ZNF518B: variants seen among roughly 807,000 people sequenced by gnomAD.
ZNF518B encodes the protein zinc finger protein 518B.
Under a neutral mutation model 56.3 loss-of-function variants are expected in ZNF518B, and 23 were observed. The observed-to-expected ratio is 0.41, with a 90% CI of 0.29 to 0.58. The LOEUF is 0.58. ZNF518B is among the 20% of genes least tolerant of loss of function. The pLI is 0.32. For missense variants in ZNF518B, 1,460 were observed against 1,272.1 expected, an observed-to-expected ratio of 1.15 and a Z score of -2.25; for synonymous variants, 529 against 465.9, an observed-to-expected ratio of 1.14 and a Z score of -1.74.
In ZNF518B at chr4:10,445,647, G is replaced by C; in HGVS notation, c.682C>G (p.Leu228Val). 1 of 1,614,114 alleles carries C rather than the reference G, an allele frequency of 6.2e-7. No homozygotes were observed. The highest frequency in any genetic ancestry group is 8.5e-7 in the Non-Finnish European group (1 of 1,180,022). The stretch of plus-strand genomic sequence containing the variant: ...GAAGTTCCGGTTCTTTTTGGCTCCA[G>C]CTTGGCAACAGCTTTGACTGGCCGT... ...AKRPVKAVAK[L>V]EPKRTGTSKQ... The change falls in exon 3 of 3, where the codon CTG becomes GTG. Residue 228 changes from leucine to valine, a missense_variant. Coordinates refer to ENST00000326756, the MANE Select transcript of ZNF518B (RefSeq NM_053042.3).
At chr4:10,450,104 G>A (rs898045416) in intron 2 of ZNF518B, among the ~76,000 whole-genome samples, 2 of 152,210 alleles carry the variant, frequency 1.3e-5, no homozygotes, top group Non-Finnish European at 2.9e-5. Context: ...CAGCCAGAAC[G>A]CATGAGGAAG....
At chr4:10,448,476 T>C (rs1203772561) in intron 2 of ZNF518B, among the ~76,000 whole-genome samples, 2 of 152,220 alleles carry the variant, frequency 1.3e-5, no homozygotes, top group Non-Finnish European at 2.9e-5. Context: ...ACATCATATC[T>C]GATGACAAGC....
At chr4:10,460,326 AAAAAAAAAAAAAC>A (rs1715708156), upstream of ZNF518B, among the ~76,000 whole-genome samples, 1 of 19,558 alleles carries the variant, frequency 5.1e-5, no homozygotes, top group Admixed American at 5.0e-4. Flanking sequence ...AAAAAAAACC[AAAAAAAAAAAAAC>A]CGACCATGTA....
upstream of ZNF518B, among the ~76,000 whole-genome samples, chr4:10,458,697 A>G (rs1459506210): frequency 6.6e-6 from 1 of 152,208 alleles, no homozygotes; most frequent in African/African-American, 2.4e-5. Context: ...TCAGAAAAAC[A>G]CATTTATGTG....
Position 10,444,143 on chromosome 4 carries a change from T to A in ZNF518B, c.2186A>T (p.Asn729Ile). Residue 729 changes from asparagine (N) to isoleucine (I), a missense_variant, in exon 3 of 3, where the codon AAT becomes ATT. Transcript: ENST00000326756. ...TCTATTACCAGTAATACCACCATCA[T>A]TCGGAGGTTTCTGAAGAGTACCTGT... is the stretch of plus-strand genomic sequence containing the variant. The part of the protein sequence containing the change: ...HSTGTLQKPP[N>I]DGGITGNRQL... 1 of 1,614,206 alleles carries A rather than the reference T, an allele frequency of 6.2e-7. No individual in the cohort carries two copies. The highest frequency in any genetic ancestry group is 1.1e-5 in the South Asian group (1 of 91,080).
rs764575144 is a variant in ZNF518B at position 10,444,979 on chromosome 4, ATTG to A, written c.1347_1349del (p.Asn450del). The A allele has an allele frequency of 1.4e-5, 22 of 1,612,892 alleles. No individual in the cohort carries two copies. Among genetic ancestry groups the A allele is most frequent in the Non-Finnish European group, 1.9e-5 (22 of 1,179,766 alleles). ...TTTCCGAATTAATGAAGGATTTTCC[ATTG>A]TTGTGCACACTAGAATTTGGCATAA... On this transcript the variant is annotated inframe_deletion, in exon 3 of 3. Transcript: ENST00000326756.
intron 2 of ZNF518B, among the ~76,000 whole-genome samples, chr4:10,448,381 G>A (rs1022684799): frequency 2.6e-5 from 4 of 152,060 alleles, no homozygotes; most frequent in African/African-American, 9.7e-5. Flanking sequence ...GTTTAAAAAA[G>A]CCCCTCCACA....
intron 1 of ZNF518B, among the ~76,000 whole-genome samples, chr4:10,455,865 A>T (rs570762718): frequency 6.6e-6 from 1 of 152,368 alleles, no homozygotes; most frequent in Admixed American, 6.5e-5. Flanking sequence ...ACACAATTTT[A>T]AAAAAGAACT....
intron 2 of ZNF518B, chr4:10,450,858 C>G (rs1037745609): frequency 2.6e-5 from 4 of 152,204 alleles, no homozygotes; most frequent in African/African-American, 9.6e-5. Context: ...TAGGAAAGGT[C>G]TCGAAAACAC....
intron 1 of ZNF518B, among the ~76,000 whole-genome samples, chr4:10,456,492 A>G (rs1042140136): frequency 6.6e-6 from 1 of 151,934 alleles, no homozygotes; most frequent in African/African-American, 2.4e-5. Flanking sequence ...TCTCTTCTCA[A>G]CCTCCTATGT....
chr4:10,441,782 C>G lies in ZNF518B; in HGVS notation c.*1322G>C, dbSNP rs1714692436. On this transcript the variant is annotated 3_prime_UTR_variant, in exon 3 of 3. Transcript: ENST00000326756. ...ATGTGTAGATAAATGACAGTCCTGA[C>G]ATCTGTTGGTAGAGAGGGGAGTGGA... The G allele has an allele frequency of 6.6e-6, 1 of 152,144 alleles. No individual in the cohort carries two copies. The highest frequency in any genetic ancestry group is 1.5e-5 in the Non-Finnish European group (1 of 68,058). 9.4% of individuals were successfully genotyped at this position (152,144 alleles called of 1,614,324 possible). A position where few individuals can be genotyped will look rare whatever the true frequency, so the allele number is the denominator to read the frequency against.
chr4:10,449,952 C>T (rs1715233950), intron 2 of ZNF518B, among the ~76,000 whole-genome samples: 1 of 152,114 alleles, frequency 6.6e-6, no homozygotes, highest in Non-Finnish European at 1.5e-5. Context: ...TAAGTCCTTT[C>T]AAAAGTTGGG....
In ZNF518B at chr4:10,441,945, G is replaced by A. The variant is rs1714700950; in HGVS notation, c.*1159C>T. The A allele has an allele frequency of 6.6e-6, 1 of 152,206 alleles. No individual in the cohort carries two copies. The highest frequency in any genetic ancestry group is 1.5e-5 in the Non-Finnish European group (1 of 68,054). The allele number at this position is 152,206 out of a possible 1,614,324, so 9.4% of individuals were successfully genotyped here. The stretch of plus-strand genomic sequence containing the variant: ...TCCTGTAACTTTAGCAAAAACAGTG[G>A]GAGGTCTCCATTTTGTTGATTCCTG... On this transcript the variant is annotated 3_prime_UTR_variant, in exon 3 of 3. Transcript: ENST00000326756.
At position 10,455,733 on chromosome 4, in the gene ZNF518B, G is replaced by C. The variant is rs528405682; in HGVS notation, c.-395-745C>G. Among the ~76,000 whole-genome samples, 10 of 152,242 alleles carry C rather than the reference G, an allele frequency of 6.6e-5. No homozygotes were observed. The South Asian group carries it at 2.1e-3, about 32-fold the overall frequency. On this transcript the variant is annotated intron_variant, in intron 1 of 2. Coordinates refer to ENST00000326756, the MANE Select transcript of ZNF518B (RefSeq NM_053042.3). ...TGTCTGCTCTTTTCAAATTGCATTT[G>C]CAATGAATGTTATCAGCATAGCAAA... is the stretch of plus-strand genomic sequence containing the variant.
At chr4:10,453,226 C>T (rs1368782272) in intron 2 of ZNF518B, 3 of 152,162 alleles carry the variant, frequency 2.0e-5, no homozygotes, top group South Asian at 2.1e-4. Flanking sequence ...GTAGATGTTT[C>T]GTTAAGAAAT....
At position 10,444,246 on chromosome 4, in the gene ZNF518B, C is replaced by G. The variant is rs1382776677; in HGVS notation, c.2083G>C (p.Ala695Pro). The G allele has an allele frequency of 5.0e-6, 8 of 1,614,208 alleles. No homozygotes were observed. The highest frequency in any genetic ancestry group is 8.5e-7 in the Non-Finnish European group (1 of 1,180,034). ...NSAHRRSVGQ[A>P]SKGTSKATSE... is the part of the protein sequence containing the mutation. ...GTAGCTTTTGAAGTTCCCTTTGATG[C>G]CTGCCCTACAGAGCGACGATGTGCA... is the stretch of plus-strand genomic sequence containing the variant. The change falls in exon 3 of 3, where the codon GCA (alanine) becomes CCA (proline). Residue 695 changes from alanine to proline, a missense_variant. Transcript: ENST00000326756.
At chr4:10,459,071 G>A (rs572097538), upstream of ZNF518B, among the ~76,000 whole-genome samples, 11 of 152,304 alleles carry the variant, frequency 7.2e-5, no homozygotes, top group South Asian at 1.9e-3. Context: ...TAGAAGTTGT[G>A]AGCCTGTCTG....
rs1390902323 is a variant in ZNF518B at position 10,445,352 on chromosome 4, CCTGG to C, written c.973_976del (p.Pro325ValfsTer4). The C allele has an allele frequency of 6.2e-7, 1 of 1,614,072 alleles. No individual in the cohort carries two copies. ...TGGTGCAACAACTGTCAATGGCATACCTGGCTGAACAGGTTCTTTTGCAGGGGAT... is the reference window on the plus strand; with the variant it reads ...TGGTGCAACAACTGTCAATGGCATACCTGAACAGGTTCTTTTGCAGGGGAT... On this transcript the variant is annotated frameshift_variant, in exon 3 of 3. Coordinates refer to ENST00000326756, the MANE Select transcript of ZNF518B (RefSeq NM_053042.3). LOFTEE classifies it high-confidence loss of function.
chr4:10,447,598 G>C (rs1715117998), intron 2 of ZNF518B, among the ~76,000 whole-genome samples: 2 of 151,498 alleles, frequency 1.3e-5, no homozygotes, highest in Admixed American at 1.3e-4. Flanking sequence ...CACAAGAGGT[G>C]ACGAAGGTTT....
Sources: gnomAD v4.1 joint callset for allele counts (sites outside exome capture counted in the v4.1 genomes callset) on GRCh38, gnomAD v4.1.1 for gene constraint, MANE v1.5 for transcripts, NCBI Gene and HGNC (gene_info 2026-07-23, HGNC 2026-07-21) for gene names.